Variants in JAZF1 observed in about 807,000 individuals in gnomAD.
JAZF1 encodes JAZF zinc finger 1.
Under a neutral mutation model 26.4 loss-of-function variants are expected in JAZF1, and 8 were observed. The observed-to-expected ratio is 0.30, with a 90% CI of 0.18 to 0.55. The LOEUF (loss-of-function observed/expected upper bound fraction) is 0.55, where lower values mean the gene tolerates loss of function less well. Among genes scored for constraint, JAZF1 ranks in the 20% least tolerant of loss-of-function variants. The pLI, the probability that JAZF1 is intolerant of heterozygous loss-of-function variation, is 0.94. For missense variants in JAZF1, 199 were observed against 322.0 expected, an observed-to-expected ratio of 0.62 and a Z score of 2.92; for synonymous variants, 126 against 122.3, an observed-to-expected ratio of 1.03 and a Z score of -0.20.
At chr7:27,858,411 C>T (rs151269166) in intron 3 of JAZF1, among the ~76,000 whole-genome samples, 3,789 of 152,166 alleles carry the variant, frequency 0.025, 137 homozygotes, top group African/African-American at 0.086. Flanking sequence ...CAAAAAAGGG[C>T]CCATATAGCC....
intron 3 of JAZF1, among the ~76,000 whole-genome samples, chr7:27,879,018 G>A (rs1783725567): frequency 6.6e-6 from 1 of 152,178 alleles, no homozygotes; most frequent in Non-Finnish European, 1.5e-5. Flanking sequence ...ACATGTTACA[G>A]CAATGCTGCT....
chr7:28,138,316 A>C (rs1027709221), intron 1 of JAZF1, among the ~76,000 whole-genome samples: 1 of 152,194 alleles, frequency 6.6e-6, no homozygotes, highest in Non-Finnish European at 1.5e-5. Flanking sequence ...ATAATGGCCT[A>C]AATATAAAGA....
chr7:27,932,165 G>T (rs1241324555), intron 2 of JAZF1, among the ~76,000 whole-genome samples: 2 of 152,174 alleles, frequency 1.3e-5, no homozygotes, highest in Non-Finnish European at 2.9e-5. Context: ...AGAAAGGAAA[G>T]AAAGAGAAAC....
At chr7:28,098,292 C>A (rs140624642) in intron 1 of JAZF1, among the ~76,000 whole-genome samples, 46 of 152,220 alleles carry the variant, frequency 3.0e-4, no homozygotes, top group African/African-American at 1.0e-3. Flanking sequence ...GGAAGTGAAT[C>A]GGCCAGCACC....
At chr7:28,166,511 A>C (rs1488007003) in intron 1 of JAZF1, among the ~76,000 whole-genome samples, 2 of 152,224 alleles carry the variant, frequency 1.3e-5, no homozygotes, top group Non-Finnish European at 2.9e-5. Flanking sequence ...CGAATGATTC[A>C]CCACAAACCT....
intron 1 of JAZF1, among the ~76,000 whole-genome samples, chr7:27,993,578 A>G (rs926578974): frequency 1.4e-4 from 22 of 152,302 alleles, no homozygotes; most frequent in African/African-American, 5.1e-4. Flanking sequence ...GTCCAAAGAA[A>G]TGGCACATTG....
At chr7:27,886,076 G>A (rs1296225990) in intron 3 of JAZF1, among the ~76,000 whole-genome samples, 1 of 152,214 alleles carries the variant, frequency 6.6e-6, no homozygotes, top group Non-Finnish European at 1.5e-5. Context: ...CTTGAAAGCA[G>A]AGCGGGGATA....
At chr7:27,872,748 G>A (rs1219416553) in intron 3 of JAZF1, among the ~76,000 whole-genome samples, 1 of 152,080 alleles carries the variant, frequency 6.6e-6, no homozygotes, top group Non-Finnish European at 1.5e-5. Context: ...ATATAAATGC[G>A]GAGGCTCCTT....
chr7:27,835,153 A>C (rs565569002), intron 4 of JAZF1, among the ~76,000 whole-genome samples: 36 of 152,344 alleles, frequency 2.4e-4, no homozygotes, highest in African/African-American at 8.7e-4. Context: ...TCTGTGCCCC[A>C]AAACCATTCA....
At chr7:27,906,003 A>G (rs962972719) in intron 2 of JAZF1, among the ~76,000 whole-genome samples, 1 of 152,242 alleles carries the variant, frequency 6.6e-6, no homozygotes, top group Admixed American at 6.5e-5. Flanking sequence ...CTCTAGATGC[A>G]AATTTTTAAA....
At chr7:27,890,374 T>A (rs1401366894) in intron 3 of JAZF1, among the ~76,000 whole-genome samples, 1 of 152,212 alleles carries the variant, frequency 6.6e-6, no homozygotes, top group Non-Finnish European at 1.5e-5. Context: ...TGTTATGACA[T>A]GCTGTTTGAA....
chr7:28,060,689 T>C (rs1783783737), intron 1 of JAZF1, among the ~76,000 whole-genome samples: 1 of 152,170 alleles, frequency 6.6e-6, no homozygotes, highest in African/African-American at 2.4e-5. Flanking sequence ...TTTTCTAGCT[T>C]GCCATTACCA....
At chr7:27,869,240 T>G (rs1486147775) in intron 3 of JAZF1, among the ~76,000 whole-genome samples, 4 of 152,044 alleles carry the variant, frequency 2.6e-5, no homozygotes, top group African/African-American at 9.7e-5. Context: ...AAATCACACC[T>G]ATCAGTTCCC....
At position 27,885,432 on chromosome 7, in the gene JAZF1, CT is replaced by C. The variant is rs1370039282; in HGVS notation, c.385+9787del. ...TGCTCCATCTTCACTTCTGCCACCC[CT>C]GGCTATAAAATGATAATCTTAAATG... On this transcript the variant is annotated intron_variant, in intron 3 of 4. Transcript: ENST00000283928. 7.2e-5 allele frequency among the ~76,000 whole-genome samples: 11 copies of C among 152,348 alleles called. No homozygotes were observed. The East Asian group carries it at 2.1e-3, about 29-fold the overall frequency.
intron 1 of JAZF1, among the ~76,000 whole-genome samples, chr7:28,055,925 T>C (rs776631282): frequency 2.0e-5 from 3 of 152,208 alleles, no homozygotes; most frequent in Admixed American, 6.5e-5. Context: ...CAGCTCAGGA[T>C]AGTCAGGATT....
chr7:27,888,218 A>G (rs1007129566), intron 3 of JAZF1, among the ~76,000 whole-genome samples: 1 of 152,190 alleles, frequency 6.6e-6, no homozygotes, highest in Non-Finnish European at 1.5e-5. Context: ...AGAAAAACCA[A>G]ATCACAGCCT....
intron 2 of JAZF1, among the ~76,000 whole-genome samples, chr7:27,919,598 T>A (rs1784495973): frequency 6.6e-6 from 1 of 152,068 alleles, no homozygotes; most frequent in Admixed American, 6.6e-5. Flanking sequence ...CAACAGGAAA[T>A]AACATATTTA....
chr7:27,924,683 G>T (rs1017564633), intron 2 of JAZF1, among the ~76,000 whole-genome samples: 5 of 152,180 alleles, frequency 3.3e-5, no homozygotes, highest in African/African-American at 1.2e-4. Context: ...CAGCAAGAAG[G>T]CAGCTAATGC....
intron 1 of JAZF1, among the ~76,000 whole-genome samples, chr7:28,088,249 T>C (rs1433207251): frequency 2.0e-5 from 3 of 152,368 alleles, no homozygotes; most frequent in Non-Finnish European, 4.4e-5. Context: ...GAAAGTTTCA[T>C]CACTTTTAAA....
Sources: allele counts gnomAD v4.1 joint callset (sites outside exome capture counted in the v4.1 genomes callset), GRCh38; gene constraint gnomAD v4.1.1; transcripts MANE v1.5; gene names NCBI Gene and HGNC (gene_info 2026-07-23, HGNC 2026-07-21).